Variants in CYYR1 observed in about 807,000 individuals in gnomAD.
The protein encoded by CYYR1 is cysteine and tyrosine-rich protein 1.
In CYYR1, 14 loss-of-function variants were observed where a neutral mutation model predicts 15.2. The observed-to-expected ratio is 0.92, with a 90% CI of 0.61 to 1.44. The LOEUF (loss-of-function observed/expected upper bound fraction) is 1.44. Among genes scored for constraint, CYYR1 ranks in the 40% most tolerant of loss-of-function variants. The pLI, the probability that CYYR1 is intolerant of heterozygous loss-of-function variation, is 0.00. For missense variants in CYYR1, 228 were observed against 209.5 expected, an observed-to-expected ratio of 1.09 and a Z score of -0.54; for synonymous variants, 80 against 77.4, an observed-to-expected ratio of 1.03 and a Z score of -0.18.
rs964060771 is a variant in CYYR1, at chr21:26,519,841, A to G, written c.177-39412T>C. On this transcript the variant is annotated intron_variant, in intron 2 of 3. Coordinates refer to ENST00000652641, the MANE Select transcript of CYYR1 (RefSeq NM_001320768.2). ...TAGCATGGTGATTCCTCAAGGATCT[A>G]GAACCAAGGATCATTTCACCCAGCA... Among the ~76,000 whole-genome samples the G allele has an allele frequency of 3.9e-5, 6 of 152,262 alleles. No individual in the cohort carries two copies. In the South Asian group the frequency reaches 1.0e-3, roughly 26 times the overall value.
At chr21:26,472,570 G>A (rs1189370773) in intron 3 of CYYR1, among the ~76,000 whole-genome samples, 2 of 151,882 alleles carry the variant, frequency 1.3e-5, no homozygotes, top group African/African-American at 2.4e-5. Context: ...TTTACATCTT[G>A]TCCACTGTTT....
chr21:26,522,081 T>A (rs891057911), intron 2 of CYYR1, among the ~76,000 whole-genome samples: 3 of 152,220 alleles, frequency 2.0e-5, no homozygotes, highest in South Asian at 2.1e-4. Flanking sequence ...CGTGCCTTCT[T>A]GAACAAAGAT....
intron 2 of CYYR1, among the ~76,000 whole-genome samples, chr21:26,545,661 G>A (rs530307391): frequency 1.1e-3 from 138 of 131,014 alleles, no homozygotes; most frequent in Non-Finnish European, 1.9e-3. Context: ...TCCGCCTCCC[G>A]GGTTCACGCC....
intron 2 of CYYR1, among the ~76,000 whole-genome samples, chr21:26,505,480 T>A (rs1397840750): frequency 1.3e-5 from 2 of 152,230 alleles, no homozygotes; most frequent in South Asian, 2.1e-4. Flanking sequence ...CTGCTCAACC[T>A]TGCTAAGCTT....
At chr21:26,545,074 G>A (rs1978864007) in intron 2 of CYYR1, among the ~76,000 whole-genome samples, 1 of 152,076 alleles carries the variant, frequency 6.6e-6, no homozygotes, top group African/African-American at 2.4e-5. Context: ...CACATTAAAT[G>A]ACAACATTTC....
At position 26,476,585 on chromosome 21, in the gene CYYR1, C is replaced by CATCTATCTATCTATCTATCT. The variant is rs11450529; in HGVS notation, c.334+3667_334+3686dup. Among the ~76,000 whole-genome samples the CATCTATCTATCTATCTATCT allele has an allele frequency of 7.4e-4, 106 of 143,844 alleles. 1 individual carries two copies. The highest frequency in any genetic ancestry group is 1.6e-3 in the East Asian group (8 of 4,926). 94.4% of individuals were successfully genotyped at this position (143,844 alleles called of 152,430 possible). On this transcript the variant is annotated intron_variant, in intron 3 of 3. Transcript: ENST00000652641. ...CCAATTGTTTGTCTACCCTATCTAT[C>CATCTATCTATCTATCTATCT]ATCTATCTATCTATCTATCTATCTA... is the stretch of plus-strand genomic sequence containing the variant.
intron 2 of CYYR1, among the ~76,000 whole-genome samples, chr21:26,540,866 T>C (rs1197972681): frequency 6.6e-6 from 1 of 152,106 alleles, no homozygotes; most frequent in Non-Finnish European, 1.5e-5. Context: ...ATAGATACTA[T>C]AACTATGCTC....
intron 2 of CYYR1, among the ~76,000 whole-genome samples, chr21:26,554,791 T>C (rs1446302740): frequency 6.6e-6 from 1 of 152,136 alleles, no homozygotes; most frequent in African/African-American, 2.4e-5. Flanking sequence ...TGATTCTTTT[T>C]GATCACTCTG....
At chr21:26,482,318 A>G (rs997500852) in intron 2 of CYYR1, 18 of 984,198 alleles carry the variant, frequency 1.8e-5, no homozygotes, top group Non-Finnish European at 2.2e-5. Flanking sequence ...ATACATATTG[A>G]TATCTGCTCC....
chr21:26,513,408 A>G (rs2123524498), intron 2 of CYYR1, among the ~76,000 whole-genome samples: 1 of 152,244 alleles, frequency 6.6e-6, no homozygotes, highest in East Asian at 1.9e-4. Flanking sequence ...AACCCTCAAT[A>G]CACACACAGT....
chr21:26,482,294 T>A, intron 2 of CYYR1: 1 of 979,128 alleles, frequency 1.0e-6, no homozygotes, highest in South Asian at 4.7e-5. Flanking sequence ...TTCCATGAAT[T>A]TTTATTTTTC....
At chr21:26,491,213 T>C (rs1022413838) in intron 2 of CYYR1, among the ~76,000 whole-genome samples, 1 of 152,244 alleles carries the variant, frequency 6.6e-6, no homozygotes, top group African/African-American at 2.4e-5. Context: ...TCATTTATAA[T>C]GCATTGGCAT....
intron 2 of CYYR1, among the ~76,000 whole-genome samples, chr21:26,487,542 T>C (rs1255013303): frequency 6.6e-6 from 1 of 152,124 alleles, no homozygotes; most frequent in Non-Finnish European, 1.5e-5. Flanking sequence ...TACCCTTGAA[T>C]ACAATGTTTT....
chr21:26,531,288 AC>A (rs909283978), intron 2 of CYYR1, among the ~76,000 whole-genome samples: 14 of 152,062 alleles, frequency 9.2e-5, no homozygotes, highest in African/African-American at 3.4e-4. Flanking sequence ...TTCCTTGACA[AC>A]CGTTCTTCTC....
At chr21:26,470,585 CG>C in intron 3 of CYYR1, 1 of 152,530 alleles carries the variant, frequency 6.6e-6, no homozygotes, top group East Asian at 1.9e-4. Flanking sequence ...CTTCCCCTTC[CG>C]CCATGATTGT....
chr21:26,517,093 C>T (rs1434822694), intron 2 of CYYR1, among the ~76,000 whole-genome samples: 5 of 107,012 alleles, frequency 4.7e-5, no homozygotes, highest in African/African-American at 1.1e-4. Context: ...CCAGCCTGGG[C>T]GACAGAGCGA....
At chr21:26,502,933 T>C (rs1404605638) in intron 2 of CYYR1, among the ~76,000 whole-genome samples, 1 of 152,198 alleles carries the variant, frequency 6.6e-6, no homozygotes, top group Non-Finnish European at 1.5e-5. Context: ...TGCCAAAGTG[T>C]TTACATTCTG....
At chr21:26,512,680 A>G (rs994275089) in intron 2 of CYYR1, among the ~76,000 whole-genome samples, 2 of 152,228 alleles carry the variant, frequency 1.3e-5, no homozygotes, top group South Asian at 2.1e-4. Context: ...ATAAAATTTT[A>G]TTGGGACACA....
chr21:26,506,144 T>C lies in CYYR1; in HGVS notation c.177-25715A>G, dbSNP rs181454806. On this transcript the variant is annotated intron_variant, in intron 2 of 3. Coordinates refer to ENST00000652641, the MANE Select transcript of CYYR1 (RefSeq NM_001320768.2). ...CCCAAAGGTTCAGATGATAGGAAGGTTCAGATTTCCCTCTCCATCTAGAAA... is the reference window on the plus strand; with the variant it reads ...CCCAAAGGTTCAGATGATAGGAAGGCTCAGATTTCCCTCTCCATCTAGAAA... Among the ~76,000 whole-genome samples the C allele has an allele frequency of 4.5e-3, 680 of 152,226 alleles. 3 individuals are homozygous for C. Among genetic ancestry groups the C allele is most frequent in the Middle Eastern group, 6.8e-3 (2 of 294 alleles).
Sources: allele counts gnomAD v4.1 joint callset (sites outside exome capture counted in the v4.1 genomes callset), GRCh38; gene constraint gnomAD v4.1.1; transcripts MANE v1.5; gene names NCBI Gene and HGNC (gene_info 2026-07-23, HGNC 2026-07-21).